TUBGCP2: variants seen among roughly 807,000 people sequenced by gnomAD.
TUBGCP2 encodes the protein tubulin gamma complex component 2.
In TUBGCP2, 55 loss-of-function variants were observed where a neutral mutation model predicts 92.2. That is an observed-to-expected ratio of 0.60 (90% CI 0.48 to 0.75). The LOEUF (loss-of-function observed/expected upper bound fraction) is 0.75, where lower values mean the gene tolerates loss of function less well. Ranked by LOEUF, TUBGCP2 falls within the 30% of genes least tolerant of loss-of-function variation. TUBGCP2 has a pLI of 0.00. For synonymous variants in TUBGCP2, 533 were observed against 505.2 expected, an observed-to-expected ratio of 1.06 and a Z score of -0.74; for missense variants, 1,093 against 1,188.9, an observed-to-expected ratio of 0.92 and a Z score of 1.19.
chr10:133,309,893 C>G, upstream of TUBGCP2: 2 of 1,613,762 alleles, frequency 1.2e-6, no homozygotes, highest in Non-Finnish European at 1.7e-6. Flanking sequence ...GCAAGCGGGC[C>G]TTCCCTTCCG....
At chr10:133,308,945 T>C, upstream of TUBGCP2, 2 of 1,230,390 alleles carry the variant, frequency 1.6e-6, no homozygotes, top group Non-Finnish European at 1.0e-6. Flanking sequence ...CCCGGGGTGA[T>C]GCAGTTGCCC....
intron 8 of TUBGCP2, among the ~76,000 whole-genome samples, chr10:133,291,801 GCCCTCCGTGTCCCCCATGT>G (rs1166228191): frequency 5.5e-4 from 14 of 25,412 alleles, no homozygotes; most frequent in Non-Finnish European, 9.9e-4. Flanking sequence ...GGCAGCACGC[GCCCTCCGTGTCCCCCATGT>G]CCCTCCGTGT....
At chr10:133,299,951 C>A (rs757191159) in intron 3 of TUBGCP2, 34 bp downstream of exon 3, 6 of 1,609,496 alleles carry the variant, frequency 3.7e-6, no homozygotes, top group Non-Finnish European at 5.1e-6. Context: ...ATGGGCCGTA[C>A]GGGCGCAGTG....
At chr10:133,311,178 T>A (rs1847981575), upstream of TUBGCP2, among the ~76,000 whole-genome samples, 1 of 152,234 alleles carries the variant, frequency 6.6e-6, no homozygotes, top group Non-Finnish European at 1.5e-5. Flanking sequence ...TCTACAATTT[T>A]ATTGATCAGA....
chr10:133,282,460 G>A (rs1589820855), intron 15 of TUBGCP2, 118 bp from the exon 16 acceptor site: 1 of 1,356,044 alleles, frequency 7.4e-7, no homozygotes, highest in East Asian at 2.6e-5. Context: ...CTGCGGCTGG[G>A]GGTACACAAG....
intron 16 of TUBGCP2, 165 bp from the exon 17 acceptor site, chr10:133,281,601 A>G (rs963186646): frequency 2.1e-6 from 2 of 946,132 alleles, no homozygotes; most frequent in African/African-American, 1.7e-5. Context: ...AAAGACATCA[A>G]AAAACATTCC....
At chr10:133,291,280 C>T (rs1195459123) in intron 8 of TUBGCP2, among the ~76,000 whole-genome samples, 2,606 of 72,450 alleles carry the variant, frequency 0.036, 141 homozygotes, top group African/African-American at 0.064. Flanking sequence ...CATGTCCCTC[C>T]GTGTCCCTGT....
intron 11 of TUBGCP2, among the ~76,000 whole-genome samples, chr10:133,287,640 G>A (rs1359311525): frequency 3.1e-5 from 1 of 31,786 alleles, no homozygotes; most frequent in Non-Finnish European, 7.5e-5. Context: ...TACTCGGGAG[G>A]CTGAGGTAGA....
intron 17 of TUBGCP2, among the ~76,000 whole-genome samples, chr10:133,280,397 G>T (rs901888913): frequency 6.6e-6 from 1 of 152,172 alleles, no homozygotes; most frequent in Non-Finnish European, 1.5e-5. Context: ...GGGGCACAGG[G>T]CACAGGGTGG....
chr10:133,288,776 C>T (rs1040909142), intron 10 of TUBGCP2, 64 bp downstream of exon 10: 33 of 1,489,708 alleles, frequency 2.2e-5, no homozygotes, highest in East Asian at 1.7e-4. Context: ...CTCAGCCCCA[C>T]GTCCCACAGG....
intron 4 of TUBGCP2, among the ~76,000 whole-genome samples, chr10:133,298,724 G>T (rs1847550991): frequency 6.6e-6 from 1 of 152,254 alleles, no homozygotes; most frequent in Non-Finnish European, 1.5e-5. Flanking sequence ...AACTGTCTCT[G>T]CACGTGGCAG....
chr10:133,297,708 A>C (rs1469646916), intron 5 of TUBGCP2, among the ~76,000 whole-genome samples: 5 of 152,200 alleles, frequency 3.3e-5, no homozygotes, highest in African/African-American at 1.2e-4. Flanking sequence ...GGGACAGGAG[A>C]AGAACCCTCA....
intron 9 of TUBGCP2, 115 bp from the exon 10 acceptor site, chr10:133,289,135 C>G (rs748762235): frequency 1.5e-5 from 18 of 1,180,716 alleles, no homozygotes; most frequent in Non-Finnish European, 2.1e-5. Flanking sequence ...TCCACACGGT[C>G]AGTCTGAGGC....
At chr10:133,299,047 A>G (rs2136133835) in intron 4 of TUBGCP2, among the ~76,000 whole-genome samples, 1 of 152,376 alleles carries the variant, frequency 6.6e-6, no homozygotes, top group East Asian at 1.9e-4. Context: ...TGTATTTTCG[A>G]GAATCTTGAA....
At chr10:133,290,242 C>A in intron 8 of TUBGCP2, 1 of 384,894 alleles carries the variant, frequency 2.6e-6, no homozygotes. Flanking sequence ...CGCCTGTAAC[C>A]CCAGCACTTT....
At chr10:133,297,265 G>A in intron 5 of TUBGCP2, 1 of 330,082 alleles carries the variant, frequency 3.0e-6, no homozygotes, top group Admixed American at 4.5e-5. Flanking sequence ...AGCCAGGCGT[G>A]GTGGCGCCTG....
rs1475961424 is a variant in TUBGCP2 at position 133,293,250 on chromosome 10, G to A, written c.825-12C>T. 5.6e-6 allele frequency: 9 copies of A among 1,611,590 alleles called. No homozygotes were observed. The Admixed American group carries it at 1.3e-4, about 24-fold the overall frequency. On this transcript the variant is annotated splice_polypyrimidine_tract_variant and intron_variant, in intron 6 of 17. Coordinates refer to ENST00000252936, the MANE Select transcript of TUBGCP2 (RefSeq NM_006659.4). ...TCTCTTCAATGAACCTGGAAGAAAA[G>A]CTGTCAGACTTCCTCAAAAAGGCAA...
chr10:133,301,173 G>A (rs1299873087), intron 2 of TUBGCP2, among the ~76,000 whole-genome samples: 2 of 152,172 alleles, frequency 1.3e-5, no homozygotes, highest in Non-Finnish European at 2.9e-5. Context: ...TTGTTGCCCA[G>A]GCTGGAGTGC....
chr10:133,290,144 G>A (rs1847246595), intron 8 of TUBGCP2, 175 bp from the exon 9 acceptor site: 3 of 894,436 alleles, frequency 3.4e-6, no homozygotes, highest in Non-Finnish European at 5.0e-6. Context: ...GGGCTAAAAC[G>A]AACCTAGGGG....
Sources: allele counts gnomAD v4.1 joint callset (sites outside exome capture counted in the v4.1 genomes callset), GRCh38; gene constraint gnomAD v4.1.1; transcripts MANE v1.5; gene names NCBI Gene and HGNC (gene_info 2026-07-23, HGNC 2026-07-21).